Variants in AARS1 observed in about 807,000 individuals in gnomAD.
AARS1 encodes alanyl-tRNA synthetase 1.
AARS1 carries 72 observed loss-of-function variants against 108.9 expected under a neutral mutation model. The ratio of observed to expected loss-of-function variants is 0.66; its 90% CI spans 0.55 to 0.80. The LOEUF (loss-of-function observed/expected upper bound fraction) is 0.80, where lower values mean the gene tolerates loss of function less well. Among genes scored for constraint, AARS1 ranks in the 30% least tolerant of loss-of-function variants. The pLI, the probability that AARS1 is intolerant of heterozygous loss-of-function variation, is 0.00. For synonymous variants in AARS1, 489 were observed against 465.7 expected, an observed-to-expected ratio of 1.05 and a Z score of -0.64; for missense variants, 1,193 against 1,233.2, an observed-to-expected ratio of 0.97 and a Z score of 0.49.
chr16:70,272,132 G>GA (rs891537640), intron 4 of AARS1, among the ~76,000 whole-genome samples, 160 bp from the exon 5 acceptor site: 28 of 141,472 alleles, frequency 2.0e-4, no homozygotes, highest in South Asian at 2.2e-4. Flanking sequence ...TCTCAAAAAA[G>GA]AAAAAAAAAA....
rs1030519185 is a variant in AARS1 at position 70,254,057 on chromosome 16, C to A, written c.2401-19G>T. ...CCAGGGCCTGGAACCAATAGACGAC[C>A]ATCTCAATCTGGGCCACAACTTGCT... On this transcript the variant is annotated intron_variant, in intron 17 of 20. Transcript: ENST00000261772. The A allele has an allele frequency of 1.9e-6, 3 of 1,613,356 alleles. No individual in the cohort carries two copies. The African/African-American group carries it at 4.0e-5, about 22-fold the overall frequency.
At chr16:70,280,502 G>A (rs1313598704) in intron 2 of AARS1, among the ~76,000 whole-genome samples, 1 of 152,092 alleles carries the variant, frequency 6.6e-6, no homozygotes, top group Admixed American at 6.6e-5. Flanking sequence ...ATTATAAGAG[G>A]CAGAATATGT....
At chr16:70,271,354 C>A (rs947224314) in intron 5 of AARS1, among the ~76,000 whole-genome samples, 1 of 151,664 alleles carries the variant, frequency 6.6e-6, no homozygotes, top group Non-Finnish European at 1.5e-5. Flanking sequence ...CATGGAGAAA[C>A]CCCGTCTCCA....
chr16:70,258,273 G>T, intron 14 of AARS1, 56 bp from the exon 15 acceptor site: 2 of 1,537,998 alleles, frequency 1.3e-6, no homozygotes, highest in Admixed American at 3.9e-5. Flanking sequence ...GGTGCGGTAC[G>T]ACGAGGCAGG....
chr16:70,255,647 G>A (rs1959970261), intron 16 of AARS1, 81 bp downstream of exon 16: 4 of 1,242,668 alleles, frequency 3.2e-6, no homozygotes, highest in Non-Finnish European at 3.5e-6. Context: ...GCCACGCAGA[G>A]CAGTGTTTGC....
intron 2 of AARS1, among the ~76,000 whole-genome samples, chr16:70,282,159 A>T (rs1263990107): frequency 6.6e-6 from 1 of 150,382 alleles, no homozygotes; most frequent in Non-Finnish European, 1.5e-5. Context: ...CTCAAAAAAA[A>T]ATAATGATAA....
intron 15 of AARS1, among the ~76,000 whole-genome samples, chr16:70,257,043 A>G (rs949374025): frequency 1.5e-4 from 23 of 152,044 alleles, no homozygotes; most frequent in Non-Finnish European, 2.8e-4. Context: ...AGGTCAGAAG[A>G]TGGAGACCAT....
chr16:70,280,171 C>T (rs867350438), intron 2 of AARS1, among the ~76,000 whole-genome samples: 6 of 152,214 alleles, frequency 3.9e-5, no homozygotes, highest in Admixed American at 6.5e-5. Flanking sequence ...CTTACTTTGG[C>T]CTCCCAAAAT....
At chr16:70,268,033 C>G (rs539787404) in intron 8 of AARS1, among the ~76,000 whole-genome samples, 1 of 152,252 alleles carries the variant, frequency 6.6e-6, no homozygotes, top group South Asian at 2.1e-4. Context: ...CCAGGCTTGG[C>G]GGTGTGCACC....
chr16:70,281,482 A>G lies in AARS1; in HGVS notation c.144+1138T>C, dbSNP rs751242415. On this transcript the variant is annotated intron_variant, in intron 2 of 20. Coordinates refer to ENST00000261772, the MANE Select transcript of AARS1 (RefSeq NM_001605.3). Reference sequence around the variant, plus strand: ...GGAGTTCGAGAACAACCTGGCCAACATGGTGAAACCCCGTCTCTACTAAAA... The same window carrying G: ...GGAGTTCGAGAACAACCTGGCCAACGTGGTGAAACCCCGTCTCTACTAAAA... Among the ~76,000 whole-genome samples, 8 of 152,208 alleles carry G rather than the reference A, an allele frequency of 5.3e-5. No homozygotes were observed. In the South Asian group the frequency reaches 1.0e-3, roughly 20 times the overall value.
At chr16:70,261,938 G>A (rs1426729293) in intron 12 of AARS1, among the ~76,000 whole-genome samples, 1 of 152,002 alleles carries the variant, frequency 6.6e-6, no homozygotes, top group African/African-American at 2.4e-5. Flanking sequence ...CAAAGTGCTA[G>A]GATTATAGTC....
At chr16:70,265,133 C>T (rs757283019) in intron 10 of AARS1, 31 bp from the exon 11 acceptor site, 9 of 1,613,224 alleles carry the variant, frequency 5.6e-6, no homozygotes, top group South Asian at 3.3e-5. Context: ...CATAAGTTAC[C>T]GTAAAGTAGG....
In AARS1 at chr16:70,252,334, C is replaced by T; in HGVS notation, c.*387G>A. On this transcript the variant is annotated 3_prime_UTR_variant, in exon 21 of 21. Transcript: ENST00000261772. ...GCATTTATTCTACAGACGCCAAAGG[C>T]TGTCAAAAGAGCCAGCCCCTATTGG... The T allele has an allele frequency of 2.9e-6, 1 of 342,622 alleles. No individual in the cohort carries two copies. The highest frequency in any genetic ancestry group is 5.4e-6 in the Non-Finnish European group (1 of 183,820). The allele number at this position is 342,622 out of a possible 1,614,324, so 21.2% of individuals were successfully genotyped here. A position where few individuals can be genotyped will look rare whatever the true frequency, so the allele number is the denominator to read the frequency against.
At position 70,289,440 on chromosome 16, in the gene AARS1, C is replaced by A; in HGVS notation, c.-41G>T. 1 of 408,594 alleles carries A rather than the reference C, an allele frequency of 2.4e-6. No individual in the cohort carries two copies. The highest frequency in any genetic ancestry group is 4.9e-6 in the Non-Finnish European group (1 of 202,724). 25.3% of individuals were successfully genotyped at this position (408,594 alleles called of 1,614,324 possible). A position where few individuals can be genotyped will look rare whatever the true frequency, so the allele number is the denominator to read the frequency against. On this transcript the variant is annotated 5_prime_UTR_variant, in exon 1 of 21. Transcript: ENST00000261772. ...GCCTACCTCTCCTAGGGTCGCCGTC[C>A]CCAGCTCCTCCCTCAGAGTCCCCCG...
chr16:70,275,749 C>T (rs1027322720), intron 4 of AARS1, among the ~76,000 whole-genome samples: 1 of 150,642 alleles, frequency 6.6e-6, no homozygotes, highest in African/African-American at 2.4e-5. Context: ...GGTGACAGAG[C>T]GAGACTCCAA....
chr16:70,253,065 G>A (rs1959881863), intron 20 of AARS1, among the ~76,000 whole-genome samples, 159 bp from the exon 21 acceptor site: 1 of 152,234 alleles, frequency 6.6e-6, no homozygotes, highest in East Asian at 1.9e-4. Context: ...GGGCGGCCAT[G>A]GCCACTGCCA....
chr16:70,283,794 G>C (rs906233884), intron 1 of AARS1, among the ~76,000 whole-genome samples: 3 of 152,184 alleles, frequency 2.0e-5, no homozygotes, highest in Non-Finnish European at 2.9e-5. Context: ...ACAGCAAACG[G>C]CTGCCTTCCA....
At chr16:70,270,602 G>A (rs1960374054) in intron 5 of AARS1, among the ~76,000 whole-genome samples, 1 of 152,104 alleles carries the variant, frequency 6.6e-6, no homozygotes, top group Non-Finnish European at 1.5e-5. Flanking sequence ...ACTTTGGGAG[G>A]CCGAGGTGGT....
rs1295780182 is a variant in AARS1, at chr16:70,253,418, GCAGGGACCCT to G, written c.2608-47_2608-38del. The G allele has an allele frequency of 5.9e-6, 9 of 1,514,268 alleles. No homozygotes were observed. The East Asian group carries it at 2.0e-4, about 34-fold the overall frequency. 93.8% of individuals were successfully genotyped at this position (1,514,268 alleles called of 1,614,324 possible). On this transcript the variant is annotated intron_variant, in intron 19 of 20. Coordinates refer to ENST00000261772, the MANE Select transcript of AARS1 (RefSeq NM_001605.3). Reference sequence around the variant, plus strand: ...ACCTGGCTCAGGCCACGGTGCTGGAGCAGGGACCCTCACTAGTGTGAGCATTTGCAGCCCT... The same window carrying G: ...ACCTGGCTCAGGCCACGGTGCTGGAGCACTAGTGTGAGCATTTGCAGCCCT...
Sources: allele counts gnomAD v4.1 joint callset (sites outside exome capture counted in the v4.1 genomes callset), GRCh38; gene constraint gnomAD v4.1.1; transcripts MANE v1.5; gene names NCBI Gene and HGNC (gene_info 2026-07-23, HGNC 2026-07-21).